The following CRPPA variants were observed in gnomAD, a reference collection of about 807,000 sequenced individuals.
The protein encoded by CRPPA is CDP-L-ribitol pyrophosphorylase A.
A neutral mutation model predicts 52.0 loss-of-function variants in CRPPA; 43 were observed. That is an observed-to-expected ratio of 0.83 (90% CI 0.65 to 1.07). The LOEUF is 1.07. CRPPA is among the 50% of genes least tolerant of loss of function. The pLI is 0.00. For synonymous variants in CRPPA, 250 were observed against 203.5 expected (o/e 1.23, Z -1.94); for missense variants, 629 against 551.7 (o/e 1.14, Z -1.40).
chr7:16,156,888 G>A (rs1783192417), intron 9 of CRPPA, among the ~76,000 whole-genome samples: 2 of 152,104 alleles, frequency 1.3e-5, no homozygotes, highest in South Asian at 4.1e-4. Context: ...AATCAAGCCA[G>A]CAACCCCAGG....
intron 6 of CRPPA, among the ~76,000 whole-genome samples, chr7:16,274,113 G>T (rs1036910589): frequency 6.6e-6 from 1 of 152,146 alleles, no homozygotes; most frequent in African/African-American, 2.4e-5. Flanking sequence ...GCAGCGGCGC[G>T]ATCTCGGCTC....
intron 9 of CRPPA, among the ~76,000 whole-genome samples, chr7:16,119,444 C>A (rs369542196): frequency 2.0e-5 from 3 of 149,970 alleles, no homozygotes; most frequent in African/African-American, 4.9e-5. Flanking sequence ...AAAAAACAAA[C>A]AAAAAAGAAA....
intron 3 of CRPPA, among the ~76,000 whole-genome samples, chr7:16,352,528 G>C (rs989607782): frequency 3.9e-5 from 6 of 152,008 alleles, no homozygotes; most frequent in Non-Finnish European, 5.9e-5. Context: ...TTTAAATAGA[G>C]AAATGCAAAT....
chr7:16,095,620 C>G (rs1214253556), intron 9 of CRPPA, among the ~76,000 whole-genome samples: 1 of 152,104 alleles, frequency 6.6e-6, no homozygotes, highest in Non-Finnish European at 1.5e-5. Context: ...TGTCTATAAT[C>G]CTTGAAAGAA....
chr7:16,282,099 T>C (rs1437740987), intron 5 of CRPPA, among the ~76,000 whole-genome samples: 1 of 152,136 alleles, frequency 6.6e-6, no homozygotes, highest in Non-Finnish European at 1.5e-5. Flanking sequence ...CTTTTGAGTT[T>C]TGTTTGCTGC....
chr7:16,216,912 G>C (rs1244969856), intron 8 of CRPPA, among the ~76,000 whole-genome samples: 1 of 151,946 alleles, frequency 6.6e-6, no homozygotes, highest in Non-Finnish European at 1.5e-5. Context: ...AAAGCAGCCG[G>C]GAAGCTCCAA....
intron 6 of CRPPA, among the ~76,000 whole-genome samples, chr7:16,260,665 G>A (rs925589579): frequency 2.0e-5 from 3 of 151,766 alleles, no homozygotes; most frequent in African/African-American, 7.2e-5. Context: ...TATGAAATAA[G>A]GCAACCATAT....
intron 5 of CRPPA, among the ~76,000 whole-genome samples, chr7:16,294,470 CTT>C (rs58850265): frequency 3.3e-5 from 5 of 151,198 alleles, no homozygotes; most frequent in East Asian, 1.9e-4. Flanking sequence ...TTCCAATTTA[CTT>C]TTTTTTTTAC....
intron 3 of CRPPA, among the ~76,000 whole-genome samples, chr7:16,358,759 C>A (rs1583546337): frequency 2.0e-5 from 3 of 152,240 alleles, no homozygotes; most frequent in African/African-American, 7.2e-5. Flanking sequence ...CTGAAAAAAA[C>A]TGCTTTCTAC....
In CRPPA at chr7:16,258,410, A is replaced by G. The variant is rs1423125298; in HGVS notation, c.1099T>C (p.Tyr367His). 4 of 1,603,120 alleles carry G rather than the reference A, an allele frequency of 2.5e-6. No homozygotes were observed. In the African/African-American group the frequency reaches 5.4e-5, roughly 22 times the overall value. ...MLEESSLCIL[Y>H]PVVVVSVHFL... The stretch of plus-strand genomic sequence containing the variant: ...CTTACTGAAACAACAACAACAGGAT[A>G]TAAAATGCAAAGACTACTCTCTTCA... Residue 367 changes from tyrosine (Y) to histidine (H), a missense_variant, in exon 8 of 10, where the codon TAT (tyrosine) becomes CAT (histidine). Coordinates refer to ENST00000407010, the MANE Select transcript of CRPPA (RefSeq NM_001101426.4).
At chr7:16,239,660 G>T (rs184870418) in intron 8 of CRPPA, among the ~76,000 whole-genome samples, 1 of 150,908 alleles carries the variant, frequency 6.6e-6, no homozygotes, top group Non-Finnish European at 1.5e-5. Context: ...CTTACCTAGG[G>T]CTACGATCAA....
chr7:16,130,464 A>T (rs971260742), intron 9 of CRPPA, among the ~76,000 whole-genome samples: 1 of 152,206 alleles, frequency 6.6e-6, no homozygotes, highest in African/African-American at 2.4e-5. Context: ...TTAAAACAGA[A>T]TTAAACAATA....
chr7:16,169,472 T>C (rs17169296), intron 9 of CRPPA, among the ~76,000 whole-genome samples: 10,259 of 152,272 alleles, frequency 0.067, 428 homozygotes, highest in East Asian at 0.14. Context: ...ATGGAATATT[T>C]CTCAAACTGG....
intron 8 of CRPPA, among the ~76,000 whole-genome samples, chr7:16,244,269 C>T (rs976898865): frequency 7.9e-5 from 12 of 152,072 alleles, no homozygotes; most frequent in Non-Finnish European, 1.5e-4. Context: ...TAGCCCATTT[C>T]ACCTTTCATT....
chr7:16,156,115 CAAAAAAAAAA>C (rs35258024), intron 9 of CRPPA, among the ~76,000 whole-genome samples: 2 of 111,994 alleles, frequency 1.8e-5, no homozygotes, highest in Non-Finnish European at 3.7e-5. Context: ...TATTCAAAAG[CAAAAAAAAAA>C]AAAAAAAAAT....
chr7:16,242,983 T>A (rs1783166678), intron 8 of CRPPA, among the ~76,000 whole-genome samples: 2 of 152,176 alleles, frequency 1.3e-5, no homozygotes, highest in East Asian at 1.9e-4. Flanking sequence ...CTTCAAGTAA[T>A]CAATATCACC....
intron 8 of CRPPA, among the ~76,000 whole-genome samples, chr7:16,227,618 T>C (rs73291465): frequency 0.076 from 11,542 of 151,910 alleles, 532 homozygotes; most frequent in East Asian, 0.15. Flanking sequence ...ATTCTGATAT[T>C]AAGCCCTTAT....
At chr7:16,270,915 T>C (rs992678709) in intron 6 of CRPPA, among the ~76,000 whole-genome samples, 2 of 152,110 alleles carry the variant, frequency 1.3e-5, no homozygotes, top group African/African-American at 4.8e-5. Flanking sequence ...TGATGTGTTG[T>C]TTGACTAATA....
intron 9 of CRPPA, among the ~76,000 whole-genome samples, chr7:16,116,388 G>A (rs1782370781): frequency 6.6e-6 from 1 of 152,110 alleles, no homozygotes; most frequent in Non-Finnish European, 1.5e-5. Context: ...TGAGTGGTCG[G>A]GCGCAGTGGC....
Sources: gnomAD v4.1 joint callset for allele counts (sites outside exome capture counted in the v4.1 genomes callset) on GRCh38, gnomAD v4.1.1 for gene constraint, MANE v1.5 for transcripts, NCBI Gene and HGNC (gene_info 2026-07-23, HGNC 2026-07-21) for gene names.